UNC5C: variants seen among roughly 807,000 people sequenced by gnomAD.
UNC5C encodes unc-5 netrin receptor C, also known as netrin receptor UNC5C.
A neutral mutation model predicts 99.8 loss-of-function variants in UNC5C; 47 were observed. The ratio of observed to expected loss-of-function variants is 0.47; its 90% confidence interval spans 0.37 to 0.60. The LOEUF is 0.60. UNC5C is among the 20% of genes least tolerant of loss of function. The probability of loss-of-function intolerance (pLI) is 0.00; values close to 1 mark genes in which losing one functional copy is unlikely to be tolerated. For missense variants in UNC5C, 1,062 were observed against 1,165.9 expected (o/e 0.91, Z 1.30); for synonymous variants, 487 against 452.2 (o/e 1.08, Z -0.98).
At chr4:95,179,658 A>T (rs1219483917) in intron 14 of UNC5C, among the ~76,000 whole-genome samples, 2 of 150,278 alleles carry the variant, frequency 1.3e-5, no homozygotes, top group Non-Finnish European at 3.0e-5. Flanking sequence ...GAGGCAGGAG[A>T]ATTGTTTGAA....
chr4:95,169,753 C>T (rs1190055670), intron 15 of UNC5C, among the ~76,000 whole-genome samples: 2 of 117,652 alleles, frequency 1.7e-5, no homozygotes, highest in Non-Finnish European at 4.2e-5. Context: ...TGACACTCCA[C>T]AAAGTAGACG....
chr4:95,371,532 T>C (rs1305244225), intron 1 of UNC5C, among the ~76,000 whole-genome samples: 1 of 152,014 alleles, frequency 6.6e-6, no homozygotes, highest in Non-Finnish European at 1.5e-5. Context: ...TGCATCTACA[T>C]ACATTGCCTG....
chr4:95,301,744 T>C lies in UNC5C; in HGVS notation c.352A>G (p.Ile118Val). The C allele has an allele frequency of 6.2e-7, 1 of 1,612,606 alleles. No homozygotes were observed. The highest frequency in any genetic ancestry group is 8.5e-7 in the Non-Finnish European group (1 of 1,179,956). ...DERVDETSGL[I>V]VREVSIEISR... is the part of the protein sequence containing the mutation. ...ATCTCAATGCTCACTTCCCGGACAA[T>C]GAGACCTGACAAGAGAAAAAGAAAG... Residue 118 changes from isoleucine to valine, a missense_variant, in exon 3 of 16, where the codon ATT (isoleucine) becomes GTT (valine). Around this residue, in one of 3 missense-constraint regions of UNC5C, gnomAD observed 249 missense variants for 295.1 expected, o/e 0.84. Transcript: ENST00000453304.
chr4:95,183,212 T>C (rs1410446917), intron 13 of UNC5C, 151 bp from the exon 14 acceptor site: 9 of 698,412 alleles, frequency 1.3e-5, no homozygotes, highest in African/African-American at 7.1e-5. Flanking sequence ...TGGACCCTTA[T>C]CACATGAAAA....
At chr4:95,328,299 C>A (rs1213418721) in intron 2 of UNC5C, among the ~76,000 whole-genome samples, 19 of 91,210 alleles carry the variant, frequency 2.1e-4, no homozygotes, top group East Asian at 4.8e-4. Flanking sequence ...CCCACCTATG[C>A]GTGAGAATAT....
chr4:95,289,257 T>G (rs939147906), intron 3 of UNC5C, among the ~76,000 whole-genome samples: 1 of 152,236 alleles, frequency 6.6e-6, no homozygotes. Flanking sequence ...TTGATGGTTG[T>G]ACTGATATTT....
chr4:95,325,095 G>A (rs769667531), intron 2 of UNC5C, among the ~76,000 whole-genome samples: 6 of 152,160 alleles, frequency 3.9e-5, no homozygotes, highest in South Asian at 4.2e-4. Context: ...AAACCATATC[G>A]GCTTACTATA....
chr4:95,228,779 T>C (rs1252205674), intron 7 of UNC5C, among the ~76,000 whole-genome samples: 4 of 152,230 alleles, frequency 2.6e-5, no homozygotes, highest in Non-Finnish European at 4.4e-5. Context: ...GACTGTAAAA[T>C]ATCTCTCCAT....
At chr4:95,283,800 CT>C (rs1420192313) in intron 3 of UNC5C, among the ~76,000 whole-genome samples, 1 of 152,208 alleles carries the variant, frequency 6.6e-6, no homozygotes, top group Non-Finnish European at 1.5e-5. Context: ...AAGACTGCTA[CT>C]AAAATTAAGT....
intron 1 of UNC5C, among the ~76,000 whole-genome samples, chr4:95,511,704 T>C (rs148229748): frequency 1.0e-3 from 158 of 152,178 alleles, no homozygotes; most frequent in Middle Eastern, 0.01. Flanking sequence ...GCTAGATGCA[T>C]AGGAGATAAA....
chr4:95,341,231 T>C (rs907001520), intron 1 of UNC5C, among the ~76,000 whole-genome samples: 1 of 152,160 alleles, frequency 6.6e-6, no homozygotes, highest in Admixed American at 6.6e-5. Flanking sequence ...GAATACATGA[T>C]ATATTACAAC....
intron 14 of UNC5C, among the ~76,000 whole-genome samples, chr4:95,178,800 G>T (rs1260881102): frequency 6.6e-6 from 1 of 152,166 alleles, no homozygotes; most frequent in Non-Finnish European, 1.5e-5. Context: ...TTTCATGTGG[G>T]CATTGAAGTC....
rs762675647 is a variant in UNC5C, at chr4:95,170,294, C to G, written c.2490G>C (p.Ala830=). 6.2e-7 allele frequency: 1 copy of G among 1,614,092 alleles called. No individual in the cohort carries two copies. The highest frequency in any genetic ancestry group is 8.5e-7 in the Non-Finnish European group (1 of 1,180,008). The change falls in exon 15 of 16, where the codon GCG becomes GCC. Residue 830 remains alanine, a synonymous_variant. Coordinates refer to ENST00000453304, the MANE Select transcript of UNC5C (RefSeq NM_003728.4). ...GCCCCGTGACCGTGGTGATGGTGTT[C>G]GCAGGATCCAGCAGCGGCAAATCGA... The part of the protein sequence containing the change: ...TGIDLPLLDP[A]NTITTVTGPS...
chr4:95,441,622 CTG>C (rs1347439658), intron 1 of UNC5C, among the ~76,000 whole-genome samples: 38 of 152,184 alleles, frequency 2.5e-4, no homozygotes, highest in Non-Finnish European at 5.0e-4. Context: ...TATAATTACA[CTG>C]TTCTGTATAT....
intron 1 of UNC5C, among the ~76,000 whole-genome samples, chr4:95,547,439 G>T (rs73842331): frequency 0.012 from 1,798 of 152,204 alleles, 40 homozygotes; most frequent in African/African-American, 0.041. Flanking sequence ...ATGCTGTCCG[G>T]AAACCCTAGG....
rs987557644 is a variant in UNC5C at position 95,519,603 on chromosome 4, G to T, written c.124+29131C>A. On this transcript the variant is annotated intron_variant, in intron 1 of 15. Transcript: ENST00000453304. ...GGCAACATTTTGACTGGAACTCATT[G>T]GACTAAAGTAAATTCAACTTACCTG... Among the ~76,000 whole-genome samples the T allele has an allele frequency of 3.3e-5, 5 of 151,620 alleles. No individual in the cohort carries two copies. The East Asian group carries it at 9.6e-4, about 29-fold the overall frequency.
chr4:95,394,388 ACTC>A (rs1439056739), intron 1 of UNC5C, among the ~76,000 whole-genome samples: 1 of 151,940 alleles, frequency 6.6e-6, no homozygotes, highest in African/African-American at 2.4e-5. Flanking sequence ...TAATTGGAAA[ACTC>A]CTCTTGGGAG....
At chr4:95,436,889 T>C (rs1274595301) in intron 1 of UNC5C, among the ~76,000 whole-genome samples, 1 of 151,674 alleles carries the variant, frequency 6.6e-6, no homozygotes, top group Non-Finnish European at 1.5e-5. Context: ...ACTATGGGAT[T>C]TTCATAATGC....
chr4:95,397,661 T>TGACATAGG (rs1298583764), intron 1 of UNC5C, among the ~76,000 whole-genome samples: 1 of 152,222 alleles, frequency 6.6e-6, no homozygotes, highest in African/African-American at 2.4e-5. Context: ...TGTCACTCAA[T>TGACATAGG]ACATAGGACA....
Sources: gnomAD v4.1 joint callset for allele counts (sites outside exome capture counted in the v4.1 genomes callset) on GRCh38, gnomAD v4.1.1 for gene constraint, gnomAD v4.1.1 regional missense constraint, MANE v1.5 for transcripts, NCBI Gene and HGNC (gene_info 2026-07-23, HGNC 2026-07-21) for gene names.